The following EMB variants were observed in gnomAD, a reference collection of about 807,000 sequenced individuals.
EMB encodes the protein embigin homolog.
In EMB, 31 loss-of-function variants were observed where a neutral mutation model predicts 41.4. The ratio of observed to expected loss-of-function variants is 0.75; its 90% CI spans 0.56 to 1.01. EMB has a LOEUF of 1.01. EMB is among the 50% of genes least tolerant of loss of function. The pLI, the probability that EMB is intolerant of heterozygous loss-of-function variation, is 0.00. For synonymous variants in EMB, 137 were observed against 140.4 expected, an observed-to-expected ratio of 0.98 and a Z score of 0.17; for missense variants, 379 against 388.3, an observed-to-expected ratio of 0.98 and a Z score of 0.20.
rs1236922832 is a variant in EMB, at chr5:50,396,239, T to C, written c.*3034A>G. Reference sequence around the variant, plus strand: ...TCTTTATTAGAATACTTTTTTCAATTCTGATTTGTCACAATTTAGATTCTT... The same window carrying C: ...TCTTTATTAGAATACTTTTTTCAATCCTGATTTGTCACAATTTAGATTCTT... On this transcript the variant is annotated 3_prime_UTR_variant, in exon 9 of 9. Transcript: ENST00000303221. 1 of 152,180 alleles carries C rather than the reference T, an allele frequency of 6.6e-6. No individual in the cohort carries two copies. The highest frequency in any genetic ancestry group is 1.5e-5 in the Non-Finnish European group (1 of 68,036). 9.4% of individuals were successfully genotyped at this position (152,180 alleles called of 1,614,324 possible).
intron 2 of EMB, among the ~76,000 whole-genome samples, chr5:50,412,689 C>T (rs761928535): frequency 6.6e-6 from 1 of 151,990 alleles, no homozygotes; most frequent in Non-Finnish European, 1.5e-5. Flanking sequence ...ATTAAATACG[C>T]TTTTTGTTTT....
At position 50,422,343 on chromosome 5, in the gene EMB, A is replaced by G. The variant is rs576224070; in HGVS notation, c.196+5801T>C. Among the ~76,000 whole-genome samples the G allele has an allele frequency of 5.3e-5, 8 of 152,316 alleles. No individual in the cohort carries two copies. The South Asian group carries it at 1.7e-3, about 32-fold the overall frequency. The stretch of plus-strand genomic sequence containing the variant: ...TAGGTGTAGGTGTTATTCGATGAAT[A>G]TTCTGTTTCATATGTGTGTGAACAT... On this transcript the variant is annotated intron_variant, in intron 2 of 8. Coordinates refer to ENST00000303221, the MANE Select transcript of EMB (RefSeq NM_198449.3).
intron 1 of EMB, among the ~76,000 whole-genome samples, chr5:50,437,262 C>A (rs1019978201): frequency 2.0e-5 from 3 of 151,790 alleles, no homozygotes; most frequent in Non-Finnish European, 2.9e-5. Context: ...CAGAGTGAGA[C>A]CCTGTCTCAA....
chr5:50,412,400 A>T (rs890890096), intron 2 of EMB, among the ~76,000 whole-genome samples: 23 of 152,028 alleles, frequency 1.5e-4, no homozygotes, highest in Non-Finnish European at 1.3e-4. Context: ...ACTCCAAAAA[A>T]CCTCCATTGT....
Position 50,421,067 on chromosome 5 carries a change from A to G in EMB, c.196+7077T>C, listed in dbSNP as rs536981459. ...ATATCTACAATTAAGTTTAACTACA[A>G]CAGATACTGCAAATAAAATGAGATC... On this transcript the variant is annotated intron_variant, in intron 2 of 8. Coordinates refer to ENST00000303221, the MANE Select transcript of EMB (RefSeq NM_198449.3). Among the ~76,000 whole-genome samples the G allele has an allele frequency of 5.9e-5, 9 of 152,326 alleles. 1 individual carries two copies. The East Asian group carries it at 1.7e-3, about 29-fold the overall frequency.
chr5:50,396,446 T>A lies in EMB; in HGVS notation c.*2827A>T, dbSNP rs1341652661. 2.0e-5 allele frequency: 3 copies of A among 152,004 alleles called. No individual in the cohort carries two copies. The highest frequency in any genetic ancestry group is 2.0e-4 in the Admixed American group (3 of 15,248). The allele number at this position is 152,004 out of a possible 1,614,324, so 9.4% of individuals were successfully genotyped here. A position where few individuals can be genotyped will look rare whatever the true frequency, so the allele number is the denominator to read the frequency against. ...TATAACACAGAGTAATAAACACAAA[T>A]AAATGTGGAGTTATTTAAGCATGTA... On this transcript the variant is annotated 3_prime_UTR_variant, in exon 9 of 9. Coordinates refer to ENST00000303221, the MANE Select transcript of EMB (RefSeq NM_198449.3).
In EMB at chr5:50,430,476, A is replaced by T. The variant is rs569970961; in HGVS notation, c.113-2249T>A. Among the ~76,000 whole-genome samples the T allele has an allele frequency of 2.0e-5, 3 of 152,202 alleles. No individual in the cohort carries two copies. The East Asian group carries it at 5.8e-4, about 29-fold the overall frequency. On this transcript the variant is annotated intron_variant, in intron 1 of 8. Coordinates refer to ENST00000303221, the MANE Select transcript of EMB (RefSeq NM_198449.3). ...TTTCTGTCATTCTTATTCCTATTCC[A>T]CTTAAGTAAGTGAATATACACAGTA...
chr5:50,425,423 T>C (rs750393358), intron 2 of EMB, among the ~76,000 whole-genome samples: 1 of 152,128 alleles, frequency 6.6e-6, no homozygotes, highest in African/African-American at 2.4e-5. Flanking sequence ...CTGTCAGCTG[T>C]TTATTTTTAT....
chr5:50,424,773 G>GGAAT (rs2111836772), intron 2 of EMB, among the ~76,000 whole-genome samples: 2 of 152,120 alleles, frequency 1.3e-5, no homozygotes, highest in South Asian at 4.2e-4. Flanking sequence ...GTAATGGCTA[G>GGAAT]GAATGGTGTT....
intron 4 of EMB, among the ~76,000 whole-genome samples, chr5:50,410,277 T>C (rs1745312798): frequency 6.6e-6 from 1 of 152,148 alleles, no homozygotes; most frequent in Non-Finnish European, 1.5e-5. Flanking sequence ...CTAGTCTTTA[T>C]TATGAGATTG....
intron 2 of EMB, among the ~76,000 whole-genome samples, chr5:50,427,064 C>A (rs1046473413): frequency 2.0e-5 from 3 of 152,250 alleles, no homozygotes; most frequent in African/African-American, 7.2e-5. Context: ...CCATCACTCA[C>A]CAGTCAGAAC....
At position 50,411,073 on chromosome 5, in the gene EMB, T is replaced by C. The variant is rs542972976; in HGVS notation, c.384-108A>G. The stretch of plus-strand genomic sequence containing the variant: ...TTAAAAAGAGAAATAATTCTGTAAA[T>C]ATGCAAATTAGAATATTAGCATAAC... On this transcript the variant is annotated intron_variant, in intron 3 of 8. Transcript: ENST00000303221. 305 of 1,175,360 alleles carry C rather than the reference T, an allele frequency of 2.6e-4. 1 individual carries two copies. Among genetic ancestry groups the C allele is most frequent in the Non-Finnish European group, 3.5e-4 (294 of 842,298 alleles). The allele number at this position is 1,175,360 out of a possible 1,614,324, so 72.8% of individuals were successfully genotyped here. A position where few individuals can be genotyped will look rare whatever the true frequency, so the allele number is the denominator to read the frequency against.
intron 4 of EMB, among the ~76,000 whole-genome samples, chr5:50,406,229 C>G (rs1745246600): frequency 1.3e-5 from 2 of 151,680 alleles, no homozygotes; most frequent in South Asian, 4.2e-4. Context: ...AAGTTTTAAC[C>G]TCAGGTAGCA....
In EMB at chr5:50,411,386, A is replaced by T. The variant is rs934207802; in HGVS notation, c.197-3T>A. 6.3e-7 allele frequency: 1 copy of T among 1,577,574 alleles called. No individual in the cohort carries two copies. Among genetic ancestry groups the T allele is most frequent in the Non-Finnish European group, 8.6e-7 (1 of 1,159,476 alleles). Reference sequence around the variant, plus strand: ...TTCTACTGGCATACTAGAATGTTCTATTAGCACAAAAGAGGACAAAATGTG... The same window carrying T: ...TTCTACTGGCATACTAGAATGTTCTTTTAGCACAAAAGAGGACAAAATGTG... On this transcript the variant is annotated splice_region_variant and splice_polypyrimidine_tract_variant and intron_variant, in intron 2 of 8. Transcript: ENST00000303221.
chr5:50,405,048 G>A (rs189024869), intron 5 of EMB, among the ~76,000 whole-genome samples: 1 of 151,994 alleles, frequency 6.6e-6, no homozygotes, highest in African/African-American at 2.4e-5. Flanking sequence ...TCTCTTAAAG[G>A]ACAATGTCCT....
chr5:50,410,693 G>A (rs1579725614), intron 4 of EMB, among the ~76,000 whole-genome samples, 184 bp downstream of exon 4: 1 of 152,164 alleles, frequency 6.6e-6, no homozygotes, highest in East Asian at 1.9e-4. Context: ...AAGCAGGAAG[G>A]AAGTGGACTT....
rs139632478 is a variant in EMB at position 50,399,492 on chromosome 5, A to G, written c.967-202T>C. On this transcript the variant is annotated intron_variant, in intron 8 of 8. Transcript: ENST00000303221. ...AAAGTTAGCTTATATGCATAAGTTT[A>G]TACCCCCAAATATATGGGAATAAAT... Among the ~76,000 whole-genome samples, 984 of 152,122 alleles carry G rather than the reference A, an allele frequency of 6.5e-3. 5 individuals are homozygous for G. The highest frequency in any genetic ancestry group is 8.7e-3 in the Non-Finnish European group (590 of 67,942).
At chr5:50,412,263 C>T (rs1242335562) in intron 2 of EMB, among the ~76,000 whole-genome samples, 1 of 151,356 alleles carries the variant, frequency 6.6e-6, no homozygotes, top group Non-Finnish European at 1.5e-5. Flanking sequence ...CACAGACACA[C>T]ACACACACAC....
chr5:50,410,633 TGGTA>T (rs764154401), intron 4 of EMB, among the ~76,000 whole-genome samples: 41 of 152,208 alleles, frequency 2.7e-4, no homozygotes, highest in Non-Finnish European at 5.0e-4. Context: ...ACTAATAATG[TGGTA>T]GGCTGGCCTT....
Sources: allele counts gnomAD v4.1 joint callset (sites outside exome capture counted in the v4.1 genomes callset), GRCh38; gene constraint gnomAD v4.1.1; transcripts MANE v1.5; gene names NCBI Gene and HGNC (gene_info 2026-07-23, HGNC 2026-07-21).